DCAF8L2: variants seen among roughly 807,000 people sequenced by gnomAD.
DCAF8L2 encodes DDB1 and CUL4 associated factor 8 like 2.
For missense variants in DCAF8L2, 430 were observed against 490.7 expected (o/e 0.88, Z 1.17); for synonymous variants, 200 against 190.9 (o/e 1.05, Z -0.39).
intron 2 of DCAF8L2, among the ~76,000 whole-genome samples, chrX:27,667,162 G>A (rs996549482): frequency 2.7e-5 from 3 of 110,849 alleles, no homozygotes; most frequent in Admixed American, 1.9e-4. Flanking sequence ...TTAAAGGAAC[G>A]ATACAAGGTA....
the DCAF8L2 span, among the ~76,000 whole-genome samples, chrX:27,527,727 C>A: frequency 9.1e-6 from 1 of 109,684 alleles, no homozygotes; most frequent in Non-Finnish European, 1.9e-5. Context: ...TCTCAGCTCA[C>A]CACAACCTCT....
At chrX:27,625,941 G>T (rs1225202593) in intron 1 of DCAF8L2, among the ~76,000 whole-genome samples, 1 of 111,075 alleles carries the variant, frequency 9.0e-6, no homozygotes, top group Non-Finnish European at 1.9e-5. Context: ...AAAATAATCT[G>T]TATGCCAAAC....
chrX:27,525,366 T>C, the DCAF8L2 span, among the ~76,000 whole-genome samples: 5 of 111,833 alleles, frequency 4.5e-5, no homozygotes, highest in Admixed American at 9.5e-5. Flanking sequence ...TGCCTTTTTT[T>C]GTTTTCCATT....
intron 1 of DCAF8L2, among the ~76,000 whole-genome samples, chrX:27,616,252 C>T (rs1021310895): frequency 1.8e-5 from 2 of 110,805 alleles, no homozygotes; most frequent in African/African-American, 6.5e-5. Context: ...ATGCTCTCCT[C>T]AGGTGTTGTG....
At chrX:27,681,340 CAG>C (rs1386605522) in intron 3 of DCAF8L2, among the ~76,000 whole-genome samples, 4 of 111,132 alleles carry the variant, frequency 3.6e-5, no homozygotes, top group Non-Finnish European at 7.5e-5. Context: ...GAAGTAGAGA[CAG>C]GGAATAGGTC....
chrX:27,577,364 C>T, the DCAF8L2 span, among the ~76,000 whole-genome samples: 10 of 111,635 alleles, frequency 9.0e-5, no homozygotes, highest in South Asian at 7.5e-4. Context: ...GAAAAGTTTA[C>T]GGAGTTGTGC....
chrX:27,683,561 C>T (rs749982758), intron 3 of DCAF8L2, among the ~76,000 whole-genome samples: 1 of 112,093 alleles, frequency 8.9e-6, no homozygotes, highest in East Asian at 2.8e-4. Flanking sequence ...CTTTCAAATC[C>T]CTTTTTGTAC....
At chrX:27,629,063 GTTGT>G (rs759369925) in intron 1 of DCAF8L2, among the ~76,000 whole-genome samples, 3 of 111,500 alleles carry the variant, frequency 2.7e-5, no homozygotes, top group Non-Finnish European at 5.6e-5. Context: ...TTTAAACTGG[GTTGT>G]TTGTTGTTGT....
At chrX:27,477,104 G>A in the DCAF8L2 span, among the ~76,000 whole-genome samples, 6 of 111,912 alleles carry the variant, frequency 5.4e-5, no homozygotes, top group East Asian at 1.7e-3. Flanking sequence ...CAGATCTCCT[G>A]CCTTTCTTTT....
chrX:27,708,950 CTT>C (rs759412143), intron 3 of DCAF8L2, among the ~76,000 whole-genome samples: 1 of 112,303 alleles, frequency 8.9e-6, no homozygotes, highest in Admixed American at 9.4e-5. Context: ...GAGTTTCACT[CTT>C]GTTGCACAGG....
chrX:27,491,141 A>G, the DCAF8L2 span, among the ~76,000 whole-genome samples: 1 of 111,405 alleles, frequency 9.0e-6, no homozygotes, highest in Non-Finnish European at 1.9e-5. Flanking sequence ...TTTGATTTGT[A>G]TTTTCTTTTA....
chrX:27,736,209 T>C (rs1263627859), intron 4 of DCAF8L2, among the ~76,000 whole-genome samples: 2 of 111,116 alleles, frequency 1.8e-5, no homozygotes, highest in Non-Finnish European at 3.8e-5. Flanking sequence ...TACCTTCTCT[T>C]TCCTTCATAG....
the DCAF8L2 span, among the ~76,000 whole-genome samples, chrX:27,504,596 A>G: frequency 6.3e-5 from 7 of 111,086 alleles, no homozygotes; most frequent in Non-Finnish European, 1.1e-4. Context: ...TTCTGGCACT[A>G]TCTCATCACT....
the DCAF8L2 span, among the ~76,000 whole-genome samples, chrX:27,580,549 A>G: frequency 3.6e-5 from 4 of 111,378 alleles, no homozygotes; most frequent in South Asian, 1.5e-3. Context: ...AAAGTCTGTC[A>G]ATCCCTAGGG....
At chrX:27,693,540 C>A (rs936432906) in intron 3 of DCAF8L2, among the ~76,000 whole-genome samples, 6 of 110,973 alleles carry the variant, frequency 5.4e-5, no homozygotes, top group Non-Finnish European at 1.1e-4. Context: ...CATATAGAAA[C>A]CTGTTCTATA....
At chrX:27,575,886 T>A in the DCAF8L2 span, among the ~76,000 whole-genome samples, 1 of 112,050 alleles carries the variant, frequency 8.9e-6, no homozygotes, top group African/African-American at 3.2e-5. Context: ...CAGCTAGTAA[T>A]GTTTGGAAAG....
the DCAF8L2 span, among the ~76,000 whole-genome samples, chrX:27,512,796 A>AAC: frequency 4.1e-5 from 4 of 96,672 alleles, no homozygotes; most frequent in Non-Finnish European, 8.2e-5. Context: ...AAAAAAAAAA[A>AAC]AAAAAAAAAA....
intron 4 of DCAF8L2, among the ~76,000 whole-genome samples, chrX:27,743,698 A>ATTATTTAT (rs750649421): frequency 7.3e-4 from 63 of 86,781 alleles, no homozygotes; most frequent in East Asian, 1.9e-3. Context: ...CCTGGCTTTT[A>ATTATTTAT]TTATTTATTT....
At chrX:27,557,829 C>T in the DCAF8L2 span, among the ~76,000 whole-genome samples, 1 of 111,033 alleles carries the variant, frequency 9.0e-6, no homozygotes, top group Non-Finnish European at 1.9e-5. Context: ...TATCAGAGTT[C>T]ACACTTTATT....
Sources: gnomAD v4.1 joint callset for allele counts (sites outside exome capture counted in the v4.1 genomes callset) on GRCh38, gnomAD v4.1.1 for gene constraint, MANE v1.5 for transcripts, NCBI Gene and HGNC (gene_info 2026-07-23, HGNC 2026-07-21) for gene names.